PPP4R4: variants seen among roughly 807,000 people sequenced by gnomAD.
PPP4R4 encodes the protein serine/threonine-protein phosphatase 4 regulatory subunit 4.
In PPP4R4, 70 loss-of-function variants were observed where a neutral mutation model predicts 121.8. That is an observed-to-expected ratio of 0.57 (90% CI 0.47 to 0.70). The LOEUF (loss-of-function observed/expected upper bound fraction) is 0.70, where lower values mean the gene tolerates loss of function less well. Ranked by LOEUF, PPP4R4 falls within the 30% of genes least tolerant of loss-of-function variation. PPP4R4 has a pLI of 0.00. For synonymous variants in PPP4R4, 348 were observed against 355.7 expected (o/e 0.98, Z 0.24); for missense variants, 875 against 1,033.6 (o/e 0.85, Z 2.10).
intron 2 of PPP4R4, among the ~76,000 whole-genome samples, chr14:94,199,801 C>G (rs1890076776): frequency 6.6e-6 from 1 of 152,176 alleles, no homozygotes; most frequent in Non-Finnish European, 1.5e-5. Flanking sequence ...TGCGGATGCG[C>G]TCCTCTTGAC....
intron 22 of PPP4R4, among the ~76,000 whole-genome samples, chr14:94,266,433 T>C (rs1032359177): frequency 1.3e-5 from 2 of 152,180 alleles, no homozygotes; most frequent in African/African-American, 4.8e-5. Flanking sequence ...TTATATGTGC[T>C]ATACAAACTG....
At chr14:94,189,942 A>T (rs1370315943) in intron 2 of PPP4R4, among the ~76,000 whole-genome samples, 1 of 152,166 alleles carries the variant, frequency 6.6e-6, no homozygotes, top group African/African-American at 2.4e-5. Context: ...GAATGATTGA[A>T]CATGTCACTT....
chr14:94,243,742 G>A (rs1892747094), intron 11 of PPP4R4, among the ~76,000 whole-genome samples: 1 of 150,928 alleles, frequency 6.6e-6, no homozygotes, highest in Admixed American at 6.6e-5. Context: ...TAAGAATGAT[G>A]TGCCTCTCCA....
In PPP4R4 at chr14:94,245,605, G is replaced by C. The variant is rs143566515; in HGVS notation, c.1363G>C (p.Asp455His). 1 of 1,591,396 alleles carries C rather than the reference G, an allele frequency of 6.3e-7. No homozygotes were observed. The change falls in exon 13 of 25, where the codon GAT becomes CAT. Residue 455 changes from aspartate to histidine, a missense_variant. By Grantham distance (81) the Asp-to-His change is moderately conservative (BLOSUM62 -1). Coordinates refer to ENST00000304338, the MANE Select transcript of PPP4R4 (RefSeq NM_058237.2). ...ESLEVLDALI[D>H]HLPEILELMS... ...TTAAAAGGTACTAGATGCTCTTATA[G>C]ATCATCTTCCAGAAATCTTGGAACT...
intron 7 of PPP4R4, 147 bp downstream of exon 7, chr14:94,234,816 G>A: frequency 1.5e-6 from 1 of 648,886 alleles, no homozygotes; most frequent in Non-Finnish European, 2.7e-6. Context: ...CATGGTGGTA[G>A]GCGTTTGATT....
At chr14:94,231,193 A>T in intron 4 of PPP4R4, 49 bp from the exon 5 acceptor site, 1 of 1,457,494 alleles carries the variant, frequency 6.9e-7, no homozygotes, top group Non-Finnish European at 9.6e-7. Flanking sequence ...GTTGAAACTG[A>T]ATTTGAAGTG....
At chr14:94,234,731 T>C (rs966409698) in intron 7 of PPP4R4, 62 bp downstream of exon 7, 16 of 1,191,896 alleles carry the variant, frequency 1.3e-5, no homozygotes, top group African/African-American at 1.2e-4. Flanking sequence ...AAGGCTGTAT[T>C]TGATCTTTAA....
intron 2 of PPP4R4, among the ~76,000 whole-genome samples, chr14:94,187,707 C>A (rs1342930852): frequency 6.6e-6 from 1 of 151,890 alleles, no homozygotes; most frequent in Non-Finnish European, 1.5e-5. Context: ...TTAGTCTTCT[C>A]TTGGCTGTGA....
intron 2 of PPP4R4, among the ~76,000 whole-genome samples, chr14:94,186,923 G>A (rs2139392630): frequency 1.3e-5 from 2 of 152,226 alleles, no homozygotes; most frequent in Middle Eastern, 6.8e-3. Flanking sequence ...TAGTAGTTTA[G>A]TATTTTGAAA....
At chr14:94,223,653 TGTTA>T (rs1482240448) in intron 3 of PPP4R4, among the ~76,000 whole-genome samples, 1 of 152,232 alleles carries the variant, frequency 6.6e-6, no homozygotes, top group Non-Finnish European at 1.5e-5. Flanking sequence ...TTTACTACCC[TGTTA>T]GTTTCCATAG....
intron 7 of PPP4R4, among the ~76,000 whole-genome samples, chr14:94,236,285 AT>A (rs1566679361): frequency 6.6e-6 from 1 of 152,214 alleles, no homozygotes; most frequent in Non-Finnish European, 1.5e-5. Context: ...TTGAATGGAA[AT>A]AACTTTTACT....
In PPP4R4 at chr14:94,266,998, G is replaced by T. The variant is rs200446885; in HGVS notation, c.2418G>T (p.Gly806=). ...STTGYTTSVS[G]LGKTSVLSLA... ...CAGGATATACAACTTCTGTCTCAGGGTTAGGAAAGACTTCTGTGCTTTCAC... is the reference window on the plus strand; with the variant it reads ...CAGGATATACAACTTCTGTCTCAGGTTTAGGAAAGACTTCTGTGCTTTCAC... Residue 806 remains glycine, a synonymous_variant, in exon 23 of 25, where the codon GGG becomes GGT. Transcript: ENST00000304338. 6 of 1,599,064 alleles carry T rather than the reference G, an allele frequency of 3.8e-6. No individual in the cohort carries two copies. The highest frequency in any genetic ancestry group is 5.1e-6 in the Non-Finnish European group (6 of 1,168,362).
At chr14:94,259,007 G>T (rs200300860) in intron 18 of PPP4R4, among the ~76,000 whole-genome samples, 183 bp downstream of exon 18, 1 of 152,160 alleles carries the variant, frequency 6.6e-6, no homozygotes, top group Non-Finnish European at 1.5e-5. Flanking sequence ...TACATGGATG[G>T]CGGCAGGCAA....
At chr14:94,189,814 CTT>C (rs1468372570) in intron 2 of PPP4R4, among the ~76,000 whole-genome samples, 1 of 152,158 alleles carries the variant, frequency 6.6e-6, no homozygotes, top group Non-Finnish European at 1.5e-5. Context: ...ATTTTATACT[CTT>C]TTTCTCTCAG....
At chr14:94,256,718 C>A in intron 17 of PPP4R4, 114 bp downstream of exon 17, 2 of 1,119,734 alleles carry the variant, frequency 1.8e-6, no homozygotes, top group Non-Finnish European at 2.4e-6. Context: ...TTTATCCTTG[C>A]TAAAATTGTA....
At chr14:94,206,439 A>T (rs1890465299) in intron 2 of PPP4R4, among the ~76,000 whole-genome samples, 1 of 152,024 alleles carries the variant, frequency 6.6e-6, no homozygotes, top group African/African-American at 2.4e-5. Context: ...AAATTGATAT[A>T]TTTAGACCAC....
chr14:94,253,025 A>G (rs1413360096), intron 16 of PPP4R4, among the ~76,000 whole-genome samples: 3 of 152,230 alleles, frequency 2.0e-5, no homozygotes, highest in Non-Finnish European at 4.4e-5. Flanking sequence ...AATGGGAACA[A>G]ATCTAGAAGT....
intron 17 of PPP4R4, 124 bp downstream of exon 17, chr14:94,256,728 A>G: frequency 9.4e-7 from 1 of 1,063,304 alleles, no homozygotes; most frequent in African/African-American, 1.6e-5. Context: ...CTAAAATTGT[A>G]AGAATTAGTA....
At chr14:94,192,815 G>T (rs1318232654) in intron 2 of PPP4R4, among the ~76,000 whole-genome samples, 1 of 152,136 alleles carries the variant, frequency 6.6e-6, no homozygotes, top group African/African-American at 2.4e-5. Context: ...GGGTGTCCAG[G>T]CTAGGAAAAG....
Sources: gnomAD v4.1 joint callset for allele counts (sites outside exome capture counted in the v4.1 genomes callset) on GRCh38, gnomAD v4.1.1 for gene constraint, MANE v1.5 for transcripts, NCBI Gene and HGNC (gene_info 2026-07-23, HGNC 2026-07-21) for gene names.